ZCCHC7: variants seen among roughly 807,000 people sequenced by gnomAD.
The protein encoded by ZCCHC7 is zinc finger CCHC domain-containing protein 7.
In ZCCHC7, 35 loss-of-function variants were observed where a neutral mutation model predicts 52.0. That is an observed-to-expected ratio of 0.67 (90% CI 0.51 to 0.89). The LOEUF (loss-of-function observed/expected upper bound fraction) is 0.89, where lower values mean the gene tolerates loss of function less well. Ranked by LOEUF, ZCCHC7 falls within the 40% of genes least tolerant of loss-of-function variation. The pLI is 0.00. For missense variants in ZCCHC7, 574 were observed against 649.1 expected (o/e 0.88, Z 1.26); for synonymous variants, 217 against 221.5 (o/e 0.98, Z 0.18).
At chr9:37,310,537 C>T (rs1829538932) in intron 5 of ZCCHC7, among the ~76,000 whole-genome samples, 1 of 152,074 alleles carries the variant, frequency 6.6e-6, no homozygotes, top group South Asian at 2.1e-4. Context: ...TTTATTACTC[C>T]TATTTTACAA....
chr9:37,209,406 G>T (rs1040182685), intron 2 of ZCCHC7, among the ~76,000 whole-genome samples: 1 of 151,920 alleles, frequency 6.6e-6, no homozygotes, highest in Admixed American at 6.6e-5. Flanking sequence ...GCCCTCTGTT[G>T]TGTATGCTTT....
chr9:37,301,460 C>T (rs1220328948), intron 2 of ZCCHC7, among the ~76,000 whole-genome samples: 4 of 152,004 alleles, frequency 2.6e-5, no homozygotes, highest in African/African-American at 4.8e-5. Flanking sequence ...ATTAGCCTAG[C>T]GTGGTGGCAA....
chr9:37,136,472 A>ATC (rs887230111), intron 2 of ZCCHC7, among the ~76,000 whole-genome samples: 12 of 151,224 alleles, frequency 7.9e-5, no homozygotes, highest in Admixed American at 3.3e-4. Flanking sequence ...CCCACCTGCA[A>ATC]TCTCTCTCTC....
At chr9:37,298,560 A>C (rs1828891199) in intron 2 of ZCCHC7, among the ~76,000 whole-genome samples, 1 of 152,230 alleles carries the variant, frequency 6.6e-6, no homozygotes, top group Non-Finnish European at 1.5e-5. Flanking sequence ...CATATATGTG[A>C]GGTCCTGGAA....
At chr9:37,228,046 G>A (rs993120769) in intron 2 of ZCCHC7, among the ~76,000 whole-genome samples, 9 of 152,164 alleles carry the variant, frequency 5.9e-5, no homozygotes, top group African/African-American at 2.2e-4. Context: ...ATCCACCTGC[G>A]TCGGACTCTC....
intron 2 of ZCCHC7, among the ~76,000 whole-genome samples, chr9:37,158,417 G>A (rs963567509): frequency 4.6e-5 from 7 of 152,170 alleles, no homozygotes; most frequent in African/African-American, 7.2e-5. Context: ...AGGAGGAAAA[G>A]CAAAAGTCAA....
At chr9:37,155,743 T>C (rs970297058) in intron 2 of ZCCHC7, among the ~76,000 whole-genome samples, 5 of 152,214 alleles carry the variant, frequency 3.3e-5, no homozygotes, top group Admixed American at 1.3e-4. Context: ...TTACCTAAAA[T>C]ACACTAAGCC....
chr9:37,181,121 T>C (rs1275590129), intron 2 of ZCCHC7, among the ~76,000 whole-genome samples: 1 of 152,204 alleles, frequency 6.6e-6, no homozygotes, highest in Admixed American at 6.5e-5. Context: ...AGTTTTTTTT[T>C]AGAAGCAGAT....
At chr9:37,136,347 C>T (rs979147144) in intron 2 of ZCCHC7, among the ~76,000 whole-genome samples, 6 of 152,136 alleles carry the variant, frequency 3.9e-5, no homozygotes, top group Admixed American at 1.3e-4. Flanking sequence ...CATAGTTACA[C>T]GATAGGTTCA....
chr9:37,353,844 A>C (rs1821538246), intron 7 of ZCCHC7, among the ~76,000 whole-genome samples: 1 of 152,232 alleles, frequency 6.6e-6, no homozygotes, highest in Non-Finnish European at 1.5e-5. Flanking sequence ...GCTAAGAAAC[A>C]ACATTTTAAA....
At chr9:37,302,858 T>C (rs1322646845) in intron 3 of ZCCHC7, among the ~76,000 whole-genome samples, 1 of 152,170 alleles carries the variant, frequency 6.6e-6, no homozygotes, top group Admixed American at 6.5e-5. Flanking sequence ...ACAGTTAGAA[T>C]TGGGTCACTC....
At chr9:37,251,315 T>C (rs529549182) in intron 2 of ZCCHC7, among the ~76,000 whole-genome samples, 2 of 152,360 alleles carry the variant, frequency 1.3e-5, no homozygotes, top group East Asian at 3.9e-4. Context: ...TGGTCTTATG[T>C]CAAGATCTTG....
rs149459477 is a variant in ZCCHC7 at position 37,259,296 on chromosome 9, G to A, written c.611-42892G>A. 1.5e-4 allele frequency among the ~76,000 whole-genome samples: 23 copies of A among 152,018 alleles called. No homozygotes were observed. The East Asian group carries it at 4.1e-3, about 27-fold the overall frequency. On this transcript the variant is annotated intron_variant, in intron 2 of 8. Coordinates refer to ENST00000336755, the MANE Select transcript of ZCCHC7 (RefSeq NM_032226.3). ...ACACAAATTCAAAATTATGTTTGTG[G>A]GTATCATGCTTTTATAAAAGATAGT...
chr9:37,323,336 T>A (rs1830122751), intron 5 of ZCCHC7, among the ~76,000 whole-genome samples: 1 of 152,160 alleles, frequency 6.6e-6, no homozygotes, highest in Non-Finnish European at 1.5e-5. Flanking sequence ...GTACTTAAGT[T>A]AGGAGGAGAA....
At chr9:37,220,880 T>G (rs1588503116) in intron 2 of ZCCHC7, among the ~76,000 whole-genome samples, 1 of 152,170 alleles carries the variant, frequency 6.6e-6, no homozygotes, top group South Asian at 2.1e-4. Flanking sequence ...AGTAAGGAAT[T>G]CTGGGGGCAA....
intron 6 of ZCCHC7, among the ~76,000 whole-genome samples, chr9:37,337,081 A>G (rs1830704158): frequency 6.6e-6 from 1 of 152,236 alleles, no homozygotes; most frequent in Non-Finnish European, 1.5e-5. Context: ...CTGATTAATG[A>G]ACTTTCTGAT....
intron 2 of ZCCHC7, among the ~76,000 whole-genome samples, chr9:37,300,915 G>A (rs1829005481): frequency 6.6e-6 from 1 of 152,168 alleles, no homozygotes; most frequent in Non-Finnish European, 1.5e-5. Context: ...AAGAAAATGT[G>A]GGAGATTATT....
chr9:37,327,877 A>C (rs199876653), intron 6 of ZCCHC7, 43 bp downstream of exon 6: 1 of 1,602,790 alleles, frequency 6.2e-7, no homozygotes, highest in African/African-American at 1.3e-5. Context: ...GACCTAGCCT[A>C]TTTACCCTTC....
chr9:37,312,326 A>G (rs1829636422), intron 5 of ZCCHC7, among the ~76,000 whole-genome samples: 1 of 152,232 alleles, frequency 6.6e-6, no homozygotes. Flanking sequence ...TGCCTCTTAT[A>G]TGCCAGACAG....
Sources: gnomAD v4.1 joint callset for allele counts (sites outside exome capture counted in the v4.1 genomes callset) on GRCh38, gnomAD v4.1.1 for gene constraint, MANE v1.5 for transcripts, NCBI Gene and HGNC (gene_info 2026-07-23, HGNC 2026-07-21) for gene names.